Variants in SLC36A4 observed in about 807,000 individuals in gnomAD.
SLC36A4 encodes solute carrier family 36 member 4, also known as neutral amino acid uniporter 4.
In SLC36A4, 49 loss-of-function variants were observed where a neutral mutation model predicts 50.5. The ratio of observed to expected loss-of-function variants is 0.97; its 90% CI spans 0.77 to 1.23. The LOEUF is 1.23. Among genes scored for constraint, SLC36A4 ranks in the 50% most tolerant of loss-of-function variants. SLC36A4 has a pLI of 0.00. For missense variants in SLC36A4, 611 were observed against 608.4 expected (o/e 1.00, Z -0.05); for synonymous variants, 207 against 206.5 (o/e 1.00, Z -0.02).
At position 93,168,101 on chromosome 11, in the gene SLC36A4, C is replaced by T. The variant is rs1448755438; in HGVS notation, c.611G>A (p.Arg204Lys). Residue 204 changes from arginine to lysine, a missense_variant, in exon 7 of 11, where the codon AGA becomes AAA. Physicochemically the swap from Arg to Lys is conservative, Grantham distance 26. Transcript: ENST00000326402. ...NSTNSSNPCE[R>K]RSVDLRIYML... is the part of the protein sequence containing the mutation. ...ATATATCCTTAGGTCAACACTTCTT[C>T]TCTCACAAGGGTTTGATGAATTGGT... The T allele has an allele frequency of 6.2e-7, 1 of 1,612,580 alleles. No homozygotes were observed. Among genetic ancestry groups the T allele is most frequent in the South Asian group, 1.1e-5 (1 of 90,992 alleles).
At chr11:93,171,666 G>A (rs191017102) in intron 6 of SLC36A4, 1 of 151,888 alleles carries the variant, frequency 6.6e-6, no homozygotes, top group Non-Finnish European at 1.5e-5. Context: ...TATTCAAATA[G>A]ATACAGTACT....
intron 9 of SLC36A4, among the ~76,000 whole-genome samples, chr11:93,158,546 A>C (rs1306779772): frequency 6.6e-6 from 1 of 152,110 alleles, no homozygotes; most frequent in East Asian, 1.9e-4. Context: ...TATATCTACT[A>C]ATCAACAAAA....
chr11:93,197,492 G>A, intron 1 of SLC36A4: 1 of 495,948 alleles, frequency 2.0e-6, no homozygotes, highest in Non-Finnish European at 3.6e-6. Context: ...CGTCTTTGAC[G>A]TGTACCCACA....
In SLC36A4 at chr11:93,194,043, G is replaced by A. The variant is rs146861143; in HGVS notation, c.55+3735C>T. ...AGGTCTGAGTAAAACAGGGAAAAGTGTATCATATGCTAAGTGGGAAAAGTT... is the reference window on the plus strand; with the variant it reads ...AGGTCTGAGTAAAACAGGGAAAAGTATATCATATGCTAAGTGGGAAAAGTT... On this transcript the variant is annotated intron_variant, in intron 1 of 10. Transcript: ENST00000326402. Among the ~76,000 whole-genome samples the A allele has an allele frequency of 6.8e-4, 103 of 152,160 alleles. No individual in the cohort carries two copies. The East Asian group carries it at 0.013, about 20-fold the overall frequency.
In SLC36A4 at chr11:93,145,395, G is replaced by T. The variant is rs547740056; in HGVS notation, c.*3142C>A. 4.6e-5 allele frequency: 7 copies of T among 152,112 alleles called. No homozygotes were observed. The highest frequency in any genetic ancestry group is 8.8e-5 in the Non-Finnish European group (6 of 67,952). 9.4% of individuals were successfully genotyped at this position (152,112 alleles called of 1,614,324 possible). A position where few individuals can be genotyped will look rare whatever the true frequency, so the allele number is the denominator to read the frequency against. On this transcript the variant is annotated 3_prime_UTR_variant, in exon 11 of 11. Transcript: ENST00000326402. ...GCTAATACAGACTTGTTTTCATTTG[G>T]TAACATCATCTAAACTGGTTTTTAA...
chr11:93,192,853 G>T (rs115294857), intron 1 of SLC36A4, among the ~76,000 whole-genome samples: 211 of 151,820 alleles, frequency 1.4e-3, no homozygotes, highest in African/African-American at 4.8e-3. Flanking sequence ...GATTCCTCTG[G>T]GCCTATTTTC....
chr11:93,162,681 T>C, intron 9 of SLC36A4, 25 bp downstream of exon 9: 2 of 1,546,856 alleles, frequency 1.3e-6, no homozygotes, highest in Non-Finnish European at 1.8e-6. Flanking sequence ...TATAAACTAA[T>C]ATTGACAAAT....
chr11:93,188,328 T>C (rs1214260963), intron 1 of SLC36A4, among the ~76,000 whole-genome samples: 2 of 152,108 alleles, frequency 1.3e-5, no homozygotes, highest in African/African-American at 4.8e-5. Context: ...TTAATAAGAG[T>C]AAAGTGATGC....
chr11:93,174,523 G>T (rs1401985408), intron 6 of SLC36A4, among the ~76,000 whole-genome samples: 28 of 149,074 alleles, frequency 1.9e-4, no homozygotes, highest in Admixed American at 1.8e-3. Context: ...CCTGTCTTGT[G>T]CCAGTTTTCA....
chr11:93,151,650 C>A (rs1351498687), intron 10 of SLC36A4, among the ~76,000 whole-genome samples: 1 of 152,010 alleles, frequency 6.6e-6, no homozygotes, highest in Non-Finnish European at 1.5e-5. Context: ...TCTCTACAAA[C>A]TACTAAAGAT....
chr11:93,161,746 A>G (rs1462523049), intron 9 of SLC36A4, among the ~76,000 whole-genome samples: 1 of 152,196 alleles, frequency 6.6e-6, no homozygotes, highest in Non-Finnish European at 1.5e-5. Context: ...TAATTCAATC[A>G]GCGATTCCAA....
chr11:93,163,260 G>A (rs1860713655), intron 8 of SLC36A4, among the ~76,000 whole-genome samples: 1 of 152,036 alleles, frequency 6.6e-6, no homozygotes, highest in African/African-American at 2.4e-5. Context: ...ACCAATATTG[G>A]TACATCACTA....
rs1342328330 is a variant in SLC36A4, at chr11:93,181,694, C to A, written c.452G>T (p.Gly151Val). 1 of 1,528,232 alleles carries A rather than the reference C, an allele frequency of 6.5e-7. No homozygotes were observed. Among genetic ancestry groups the A allele is most frequent in the African/African-American group, 1.4e-5 (1 of 72,340 alleles). The allele number at this position is 1,528,232 out of a possible 1,614,324, so 94.7% of individuals were successfully genotyped here. A position where few individuals can be genotyped will look rare whatever the true frequency, so the allele number is the denominator to read the frequency against. The change falls in exon 5 of 11, where the codon GGG becomes GTG. Residue 151 changes from glycine (G) to valine (V), a missense_variant. By Grantham distance (109) the Gly-to-Val change is moderately radical. Transcript: ENST00000326402. ...TAATAACAGAGTAAGTACTTACCGC[C>A]CCCATGCTGCTTGCTTCTGAAGACA... ...WSCLQKQAAW[G>V]RSVVDFFLVI...
chr11:93,171,021 T>C (rs1861109040), intron 6 of SLC36A4: 1 of 152,216 alleles, frequency 6.6e-6, no homozygotes, highest in Admixed American at 6.5e-5. Flanking sequence ...TCTACTATTG[T>C]ATAATGCTAT....
chr11:93,176,776 C>A (rs1861495010), intron 6 of SLC36A4, among the ~76,000 whole-genome samples: 1 of 152,182 alleles, frequency 6.6e-6, no homozygotes, highest in Admixed American at 6.5e-5. Flanking sequence ...GAATATTGGA[C>A]CCCACTCTCT....
At chr11:93,189,814 A>C (rs1862139891) in intron 1 of SLC36A4, among the ~76,000 whole-genome samples, 1 of 152,230 alleles carries the variant, frequency 6.6e-6, no homozygotes, top group African/African-American at 2.4e-5. Context: ...TCATATCTTT[A>C]ACAACAATAT....
At chr11:93,197,594 T>C (rs1591000924) in intron 1 of SLC36A4, 184 bp downstream of exon 1, 1 of 645,644 alleles carries the variant, frequency 1.5e-6, no homozygotes, top group East Asian at 3.1e-5. Context: ...GGCCTGGGCT[T>C]CGTCTGACCA....
At chr11:93,184,710 C>T (rs1219593869) in intron 2 of SLC36A4, among the ~76,000 whole-genome samples, 190 bp from the exon 3 acceptor site, 1 of 151,986 alleles carries the variant, frequency 6.6e-6, no homozygotes, top group Non-Finnish European at 1.5e-5. Flanking sequence ...AGTGGAATAA[C>T]AAGAGTTATT....
rs188831452 is a variant in SLC36A4 at position 93,151,360 on chromosome 11, G to C, written c.1208-2516C>G. ...TAGCAAGAAAAAGAATGTATCCTTA[G>C]AGCATAAAGTTCCCTCTGATATTAA... On this transcript the variant is annotated intron_variant, in intron 10 of 10. Transcript: ENST00000326402. 5.6e-3 allele frequency among the ~76,000 whole-genome samples: 855 copies of C among 152,006 alleles called. 8 individuals carry two copies. Among genetic ancestry groups the C allele is most frequent in the African/African-American group, 0.02 (812 of 41,500 alleles).
Sources: allele counts gnomAD v4.1 joint callset (sites outside exome capture counted in the v4.1 genomes callset), GRCh38; gene constraint gnomAD v4.1.1; transcripts MANE v1.5; gene names NCBI Gene and HGNC (gene_info 2026-07-23, HGNC 2026-07-21).